Variants in SULF2 observed in about 807,000 individuals in gnomAD.
The protein encoded by SULF2 is extracellular sulfatase Sulf-2.
SULF2 carries 52 observed loss-of-function variants against 107.7 expected under a neutral mutation model. The ratio of observed to expected loss-of-function variants is 0.48; its 90% CI spans 0.39 to 0.61. The LOEUF (loss-of-function observed/expected upper bound fraction) is 0.61, where lower values mean the gene tolerates loss of function less well. Among genes scored for constraint, SULF2 ranks in the 20% least tolerant of loss-of-function variants. SULF2 has a pLI of 0.00. For missense variants in SULF2, 993 were observed against 1,177.3 expected (o/e 0.84, Z 2.29); for synonymous variants, 460 against 464.3 (o/e 0.99, Z 0.12).
intron 1 of SULF2, among the ~76,000 whole-genome samples, chr20:47,774,178 T>A (rs2090683370): frequency 6.6e-6 from 1 of 152,246 alleles, no homozygotes; most frequent in African/African-American, 2.4e-5. Flanking sequence ...CAGGTCGGCT[T>A]CCCAATGTGG....
At chr20:47,754,568 G>A (rs1216930347) in intron 2 of SULF2, among the ~76,000 whole-genome samples, 1 of 152,144 alleles carries the variant, frequency 6.6e-6, no homozygotes, top group Non-Finnish European at 1.5e-5. Flanking sequence ...CCTAATCTAT[G>A]CTGTGTAGTG....
At chr20:47,769,659 G>A (rs555862478) in intron 1 of SULF2, among the ~76,000 whole-genome samples, 2 of 152,216 alleles carry the variant, frequency 1.3e-5, no homozygotes, top group African/African-American at 2.4e-5. Flanking sequence ...CTATGTTCCC[G>A]GCCCTATTCT....
chr20:47,701,545 G>A (rs543476409), intron 4 of SULF2, among the ~76,000 whole-genome samples: 4 of 152,322 alleles, frequency 2.6e-5, no homozygotes, highest in South Asian at 2.1e-4. Context: ...ACATGCACAC[G>A]CCCTGTGCTC....
intron 3 of SULF2, among the ~76,000 whole-genome samples, chr20:47,715,391 C>T (rs562836733): frequency 6.6e-6 from 1 of 152,178 alleles, no homozygotes; most frequent in African/African-American, 2.4e-5. Context: ...GCTTCTCCCA[C>T]CAGAGTACCA....
chr20:47,755,646 C>G (rs2090263740), intron 2 of SULF2, among the ~76,000 whole-genome samples: 2 of 152,318 alleles, frequency 1.3e-5, no homozygotes, highest in South Asian at 4.1e-4. Flanking sequence ...TGCCCTATCA[C>G]CCCATCGGCC....
chr20:47,665,124 A>G (rs1338663026), intron 14 of SULF2, 75 bp downstream of exon 14: 3 of 948,692 alleles, frequency 3.2e-6, no homozygotes, highest in African/African-American at 1.6e-5. Flanking sequence ...AAAGGGGTCA[A>G]TCACGAGAGG....
chr20:47,768,790 C>T (rs1019342838), intron 1 of SULF2, among the ~76,000 whole-genome samples: 1 of 152,228 alleles, frequency 6.6e-6, no homozygotes, highest in Non-Finnish European at 1.5e-5. Context: ...GTCACCCCCA[C>T]CCCCAGTCCC....
At chr20:47,702,496 A>G (rs750953141) in intron 4 of SULF2, 23 bp downstream of exon 4, 1 of 1,607,074 alleles carries the variant, frequency 6.2e-7, no homozygotes, top group Non-Finnish European at 8.5e-7. Context: ...AGCCACTCCC[A>G]GGCTGGAAAG....
intron 1 of SULF2, among the ~76,000 whole-genome samples, chr20:47,758,876 T>C (rs950507019): frequency 4.6e-5 from 7 of 152,132 alleles, no homozygotes; most frequent in African/African-American, 1.7e-4. Context: ...TCCTTGCCCT[T>C]CATGGGGAAC....
At position 47,713,438 on chromosome 20, in the gene SULF2, C is replaced by T. The variant is rs1330199373; in HGVS notation, c.416-10768G>A. Among the ~76,000 whole-genome samples, 3 of 152,080 alleles carry T rather than the reference C, an allele frequency of 2.0e-5. No individual in the cohort carries two copies. In the East Asian group the frequency reaches 5.8e-4, roughly 29 times the overall value. ...CAGTTTAAAAAGTTGTCCAAATGTA[C>T]CATTAACGACAGGGTTGCAGTGTGG... On this transcript the variant is annotated intron_variant, in intron 3 of 20. Transcript: ENST00000688720.
In SULF2 at chr20:47,666,126, G is replaced by A. The variant is rs369139070; in HGVS notation, c.1805+134C>T. 128 of 1,612,360 alleles carry A rather than the reference G, an allele frequency of 7.9e-5. No individual in the cohort carries two copies. The highest frequency in any genetic ancestry group is 4.8e-4 in the African/African-American group (36 of 74,470). On this transcript the variant is annotated intron_variant, in intron 12 of 20. Transcript: ENST00000688720. The surrounding 1 kb of genome is among the most constrained non-coding windows in gnomAD (Gnocchi z 5.4). ...TAATGGGGTTGGCGGCTGAATAGTC[G>A]GGAAGGCCTCCAGTGCCACTGAAGT...
At chr20:47,673,639 C>T (rs1264721544) in intron 10 of SULF2, among the ~76,000 whole-genome samples, 4 of 152,232 alleles carry the variant, frequency 2.6e-5, no homozygotes, top group Non-Finnish European at 5.9e-5. Flanking sequence ...CTGCCACCCT[C>T]CCATCCCCTT....
At chr20:47,693,382 A>T (rs1010217218) in intron 4 of SULF2, among the ~76,000 whole-genome samples, 1 of 152,166 alleles carries the variant, frequency 6.6e-6, no homozygotes, top group Non-Finnish European at 1.5e-5. Flanking sequence ...GTGGGAAGCC[A>T]CCGTTGCTCT....
chr20:47,670,977 G>C (rs920738094), intron 11 of SULF2, among the ~76,000 whole-genome samples: 10 of 152,050 alleles, frequency 6.6e-5, no homozygotes. Flanking sequence ...AGCCTTGGAG[G>C]GCACACTTCT....
chr20:47,734,706 C>T (rs1206090349), intron 3 of SULF2, among the ~76,000 whole-genome samples: 5 of 152,112 alleles, frequency 3.3e-5, no homozygotes, highest in African/African-American at 1.2e-4. Context: ...ATTCTTTGTA[C>T]AGAGTGGCAT....
chr20:47,785,053 C>T (rs2090899130), intron 1 of SULF2, among the ~76,000 whole-genome samples: 1 of 152,100 alleles, frequency 6.6e-6, no homozygotes, highest in Non-Finnish European at 1.5e-5. Flanking sequence ...GCTCGGTGTG[C>T]CGTGTCCGCG....
In SULF2 at chr20:47,665,279, C is replaced by T. The variant is rs779271373; in HGVS notation, c.1917G>A (p.Gln639=). 5.0e-6 allele frequency: 8 copies of T among 1,612,780 alleles called. No individual in the cohort carries two copies. The highest frequency in any genetic ancestry group is 6.8e-6 in the Non-Finnish European group (8 of 1,178,966). ...LHIDHEIETL[Q]NKIKNLREVR... is the part of the protein sequence containing the mutation. ...CTTCCCTCAGGTTCTTAATTTTGTT[C>T]TGCAGGGTTTCAATCTGAGGGAGGG... The change falls in exon 14 of 21, where the codon CAG becomes CAA. Residue 639 remains glutamine (Q), a synonymous_variant. Transcript: ENST00000688720.
intron 2 of SULF2, among the ~76,000 whole-genome samples, chr20:47,744,448 G>A (rs1274439817): frequency 6.6e-6 from 1 of 152,164 alleles, no homozygotes; most frequent in East Asian, 1.9e-4. Flanking sequence ...AATGCAGCAA[G>A]AGGGCCACAG....
intron 4 of SULF2, among the ~76,000 whole-genome samples, chr20:47,701,246 A>G (rs1053517114): frequency 6.6e-6 from 1 of 152,250 alleles, no homozygotes; most frequent in Admixed American, 6.5e-5. Flanking sequence ...GTCAGAAGTC[A>G]GAGTAGACGT....
Sources: allele counts gnomAD v4.1 joint callset (sites outside exome capture counted in the v4.1 genomes callset), GRCh38; gene constraint gnomAD v4.1.1; non-coding constraint Gnocchi (gnomAD v3.1); transcripts MANE v1.5; gene names NCBI Gene and HGNC (gene_info 2026-07-23, HGNC 2026-07-21).